Variants in GRIP2 observed in about 807,000 individuals in gnomAD.
GRIP2 encodes glutamate receptor interacting protein 2.
A neutral mutation model predicts 108.3 loss-of-function variants in GRIP2; 58 were observed. The ratio of observed to expected loss-of-function variants is 0.54; its 90% CI spans 0.43 to 0.67. GRIP2 has a LOEUF of 0.67. Ranked by LOEUF, GRIP2 falls within the 30% of genes least tolerant of loss-of-function variation. The pLI is 0.00. For synonymous variants in GRIP2, 586 were observed against 598.2 expected, an observed-to-expected ratio of 0.98 and a Z score of 0.30; for missense variants, 1,278 against 1,430.6, an observed-to-expected ratio of 0.89 and a Z score of 1.72.
At chr3:14,542,121 TC>T, upstream of GRIP2, 1 of 1,179,174 alleles carries the variant, frequency 8.5e-7, no homozygotes, top group African/African-American at 1.6e-5. Flanking sequence ...CCCTTCTTTC[TC>T]CCTCTTTCTC....
At chr3:14,520,312 G>C (rs769394411) in intron 8 of GRIP2, 33 bp from the exon 9 acceptor site, 4 of 1,611,598 alleles carry the variant, frequency 2.5e-6, no homozygotes, top group East Asian at 2.2e-5. Flanking sequence ...GCGGAGGCTG[G>C]TCCAGGCCAG....
At chr3:14,572,167 C>T in the GRIP2 span, among the ~76,000 whole-genome samples, 12 of 152,010 alleles carry the variant, frequency 7.9e-5, no homozygotes, top group Admixed American at 3.3e-4. Context: ...TTCACAGCAG[C>T]GTTTTCCATA....
intron 21 of GRIP2, among the ~76,000 whole-genome samples, chr3:14,500,405 T>G (rs1693734071): frequency 6.6e-6 from 1 of 152,158 alleles, no homozygotes. Context: ...ACTGAGTCTG[T>G]AGTAAGACAA....
At chr3:14,568,688 T>C in the GRIP2 span, among the ~76,000 whole-genome samples, 3 of 152,190 alleles carry the variant, frequency 2.0e-5, no homozygotes, top group Non-Finnish European at 2.9e-5. Flanking sequence ...TCCAGAAGTA[T>C]ACCTGTGTGG....
Position 14,493,817 on chromosome 3 carries a change from C to T in GRIP2, c.2980G>A (p.Val994Ile), listed in dbSNP as rs79010943. ...CAGCAGTCGAAGTCCCGTGTACGGA[C>T]GTGGTTGACCTGCATGGGGCACAAG... ...PFDRVLQVNH[V>I]RTRDFDCCLA... is the part of the protein sequence containing the mutation. Residue 994 changes from valine to isoleucine, a missense_variant, in exon 24 of 24, where the codon GTC becomes ATC. Physicochemically the swap from Val to Ile is conservative, Grantham distance 29 (BLOSUM62 3). Transcript: ENST00000621039. 476 of 1,611,520 alleles carry T rather than the reference C, an allele frequency of 3.0e-4. 1 individual carries two copies. In the African/African-American group the frequency reaches 5.5e-3, roughly 19 times the overall value.
Position 14,517,831 on chromosome 3 carries a change from CG to C in GRIP2, c.1096del (p.Arg366GlyfsTer32). The C allele has an allele frequency of 1.9e-6, 3 of 1,604,990 alleles. No individual in the cohort carries two copies. Among genetic ancestry groups the C allele is most frequent in the Non-Finnish European group, 2.6e-6 (3 of 1,176,290 alleles). On this transcript the variant is annotated frameshift_variant, in exon 10 of 24. Coordinates refer to ENST00000621039, the MANE Select transcript of GRIP2 (RefSeq NM_001080423.4). LOFTEE classifies it high-confidence loss of function. ...DPCVPSCHSP[R>X]PGHCRMPTWA... is the part of the protein sequence containing the mutation. ...GGTGGGCATCCTGCAGTGGCCGGGC[CG>C]GGGGCTGTGGCAGGAGGGCACGCAG...
upstream of GRIP2, among the ~76,000 whole-genome samples, chr3:14,560,752 A>G (rs74518002): frequency 8.4e-4 from 128 of 152,350 alleles, 1 homozygote; most frequent in African/African-American, 3.0e-3. Context: ...ACTTAAGCCA[A>G]TACATTCCCT....
intron 21 of GRIP2, among the ~76,000 whole-genome samples, chr3:14,499,703 C>T (rs901486223): frequency 6.6e-6 from 1 of 152,044 alleles, no homozygotes; most frequent in African/African-American, 2.4e-5. Flanking sequence ...ATGCCACTGA[C>T]TGCACTCCAG....
chr3:14,571,685 A>G, the GRIP2 span, among the ~76,000 whole-genome samples: 1 of 152,204 alleles, frequency 6.6e-6, no homozygotes, highest in African/African-American at 2.4e-5. Flanking sequence ...GGCTCACTGT[A>G]GGGAACATGA....
intron 1 of GRIP2, among the ~76,000 whole-genome samples, chr3:14,534,899 A>G (rs1694797756): frequency 6.6e-6 from 1 of 152,178 alleles, no homozygotes; most frequent in Admixed American, 6.5e-5. Context: ...TGCCTTCGCC[A>G]GGGTCCTGCC....
the GRIP2 span, among the ~76,000 whole-genome samples, chr3:14,579,402 G>C: frequency 6.6e-6 from 1 of 152,140 alleles, no homozygotes; most frequent in South Asian, 2.1e-4. Flanking sequence ...ATATACATTA[G>C]ACTTCAACAA....
chr3:14,560,002 C>T (rs529428210), upstream of GRIP2, among the ~76,000 whole-genome samples: 15 of 152,140 alleles, frequency 9.9e-5, no homozygotes, highest in Non-Finnish European at 1.5e-4. Context: ...CCCGTAATTC[C>T]AGCCCTTTGG....
chr3:14,537,646 C>G (rs1265142413), intron 1 of GRIP2, among the ~76,000 whole-genome samples: 1 of 152,228 alleles, frequency 6.6e-6, no homozygotes, highest in Non-Finnish European at 1.5e-5. Context: ...GGCGAAGGAT[C>G]CCCCATGGCC....
upstream of GRIP2, among the ~76,000 whole-genome samples, chr3:14,540,593 CA>C (rs1042369193): frequency 1.3e-5 from 2 of 152,118 alleles, no homozygotes; most frequent in African/African-American, 4.8e-5. This position sits in a 1 kb window ranked among gnomAD's most constrained non-coding sequence, Gnocchi z 4.1. Context: ...GGCTCTCAGG[CA>C]GAGAGAGAGC....
chr3:14,573,861 G>T, the GRIP2 span: 1 of 1,343,824 alleles, frequency 7.4e-7, no homozygotes. Context: ...CAGCATGGGC[G>T]AGCACTCCTC....
At chr3:14,574,052 C>T in the GRIP2 span, 1 of 1,504,224 alleles carries the variant, frequency 6.6e-7, no homozygotes, top group Non-Finnish European at 9.2e-7. Flanking sequence ...AGTTCTCCTG[C>T]TGCACGTACT....
intron 4 of GRIP2, chr3:14,524,079 G>A (rs1694485926): frequency 2.0e-6 from 1 of 512,196 alleles, no homozygotes; most frequent in African/African-American, 1.9e-5. Flanking sequence ...GTGCAGGGCA[G>A]TGGAGTGTGG....
intron 1 of GRIP2, chr3:14,555,828 G>A (rs1282788263): frequency 7.5e-6 from 3 of 399,386 alleles, no homozygotes; most frequent in African/African-American, 2.1e-5. Context: ...GAGAGCAGGG[G>A]TGACTGAGGA....
At chr3:14,537,581 A>C (rs1274870552) in intron 1 of GRIP2, among the ~76,000 whole-genome samples, 3 of 152,226 alleles carry the variant, frequency 2.0e-5, no homozygotes, top group African/African-American at 7.2e-5. Context: ...AAAGAGGTGG[A>C]ATGAGTTTCT....
Sources: gnomAD v4.1 joint callset for allele counts (sites outside exome capture counted in the v4.1 genomes callset) on GRCh38, gnomAD v4.1.1 for gene constraint, Gnocchi (gnomAD v3.1) non-coding constraint, MANE v1.5 for transcripts, NCBI Gene and HGNC (gene_info 2026-07-23, HGNC 2026-07-21) for gene names.